The following FAM167A variants were observed in gnomAD, a reference collection of about 807,000 sequenced individuals.
FAM167A encodes the protein protein FAM167A.
FAM167A carries 23 observed loss-of-function variants against 14.9 expected under a neutral mutation model. The ratio of observed to expected loss-of-function variants is 1.55; its 90% CI spans 1.11 to 2.19. FAM167A has a LOEUF of 2.19. Among genes scored for constraint, FAM167A ranks in the 30% most tolerant of loss-of-function variants. FAM167A has a pLI of 0.00. For missense variants in FAM167A, 401 were observed against 281.5 expected (o/e 1.42, Z -3.04); for synonymous variants, 174 against 117.7 (o/e 1.48, Z -3.10).
chr8:11,433,686 T>C (rs80028918), intron 2 of FAM167A, among the ~76,000 whole-genome samples: 1 of 152,318 alleles, frequency 6.6e-6, no homozygotes, highest in African/African-American at 2.4e-5. Flanking sequence ...GCATTTTGTC[T>C]GGTCCCTTAA....
chr8:11,461,155 G>T (rs1219238405), intron 1 of FAM167A, among the ~76,000 whole-genome samples: 1 of 152,250 alleles, frequency 6.6e-6, no homozygotes. Context: ...AAAGCCCAGG[G>T]CCACTGCAGG....
chr8:11,423,071 T>C lies in FAM167A; in HGVS notation c.*1302A>G, dbSNP rs1422198447. 1 of 152,650 alleles carries C rather than the reference T, an allele frequency of 6.6e-6. No homozygotes were observed. The highest frequency in any genetic ancestry group is 1.5e-5 in the Non-Finnish European group (1 of 68,046). 9.5% of individuals were successfully genotyped at this position (152,650 alleles called of 1,614,324 possible). On this transcript the variant is annotated 3_prime_UTR_variant, in exon 3 of 3. Transcript: ENST00000284486. The stretch of plus-strand genomic sequence containing the variant: ...CAATATTCTATAGCCTAAACAGCTG[T>C]GCAACCTGAGGGAAGTCCTTCTCCT...
rs1804815908 is a variant in FAM167A, at chr8:11,422,392, GT to G, written c.*1980del. The G allele has an allele frequency of 6.6e-6, 1 of 150,432 alleles. No homozygotes were observed. The highest frequency in any genetic ancestry group is 1.5e-5 in the Non-Finnish European group (1 of 68,268). 9.3% of individuals were successfully genotyped at this position (150,432 alleles called of 1,614,324 possible). On this transcript the variant is annotated 3_prime_UTR_variant, in exon 3 of 3. Transcript: ENST00000284486. Reference sequence around the variant, plus strand: ...TGTGGGGGTGTGTGTGTGTGTGTGTGTGTGTGTGTGTGTAGGTCAGCCCGAG... The same window carrying G: ...TGTGGGGGTGTGTGTGTGTGTGTGTGGTGTGTGTGTGTAGGTCAGCCCGAG...
chr8:11,425,634 G>C (rs147262225), intron 2 of FAM167A, among the ~76,000 whole-genome samples: 1 of 151,906 alleles, frequency 6.6e-6, no homozygotes, highest in Middle Eastern at 3.4e-3. Flanking sequence ...ATTCCCAGCC[G>C]TGATGGGAAT....
At chr8:11,431,084 A>G (rs575653215) in intron 2 of FAM167A, among the ~76,000 whole-genome samples, 1 of 152,240 alleles carries the variant, frequency 6.6e-6, no homozygotes, top group Non-Finnish European at 1.5e-5. Context: ...ATGAAGGCAA[A>G]AGCTAGAACC....
chr8:11,433,832 G>C (rs10481455), intron 2 of FAM167A: 132,168 of 152,240 alleles, frequency 0.87, 57,664 homozygotes, highest in African/African-American at 0.92. Context: ...TCCACTGTCC[G>C]ACGATTTGGG....
At chr8:11,437,942 G>A in intron 2 of FAM167A, 1 of 282,034 alleles carries the variant, frequency 3.5e-6, no homozygotes, top group South Asian at 3.1e-5. Flanking sequence ...ACGGCCCTCA[G>A]CTCACCAGAT....
chr8:11,441,303 G>C (rs75920312), intron 2 of FAM167A, among the ~76,000 whole-genome samples: 13 of 152,296 alleles, frequency 8.5e-5, no homozygotes, highest in African/African-American at 2.9e-4. Context: ...CCTGGCCCTG[G>C]TCTCGCCCTC....
chr8:11,431,829 G>A (rs1309322127), intron 2 of FAM167A, among the ~76,000 whole-genome samples: 1 of 143,034 alleles, frequency 7.0e-6, no homozygotes, highest in Non-Finnish European at 1.5e-5. Context: ...CTGGGAGGTA[G>A]AAGGGCCTCT....
At chr8:11,468,800 G>A (rs1021370416), upstream of FAM167A, among the ~76,000 whole-genome samples, 2 of 152,200 alleles carry the variant, frequency 1.3e-5, no homozygotes, top group African/African-American at 2.4e-5. Context: ...TCTCATGGGG[G>A]AATTGTGGCA....
At chr8:11,475,749 C>T (rs1797856775) in intron 1 of FAM167A, among the ~76,000 whole-genome samples, 1 of 152,130 alleles carries the variant, frequency 6.6e-6, no homozygotes, top group African/African-American at 2.4e-5. Context: ...TAATCTTTCC[C>T]TAAATGTATT....
At chr8:11,445,585 C>T (rs1420645101) in intron 1 of FAM167A, 1 of 985,580 alleles carries the variant, frequency 1.0e-6, no homozygotes, top group African/African-American at 1.7e-5. Context: ...TTGGTAAAGA[C>T]TTCAGCTATG....
At chr8:11,454,255 C>T (rs1336909984) in intron 1 of FAM167A, among the ~76,000 whole-genome samples, 4 of 152,200 alleles carry the variant, frequency 2.6e-5, no homozygotes, top group Non-Finnish European at 4.4e-5. Context: ...GTGTGCAAAG[C>T]GCTCTGTTTC....
Position 11,427,151 on chromosome 8 carries a change from C to T in FAM167A, c.382-2515G>A, listed in dbSNP as rs553050972. Among the ~76,000 whole-genome samples the T allele has an allele frequency of 5.3e-5, 8 of 152,262 alleles. No homozygotes were observed. In the South Asian group the frequency reaches 1.2e-3, roughly 24 times the overall value. On this transcript the variant is annotated intron_variant, in intron 2 of 2. Transcript: ENST00000284486. ...ATGCAGTTCCCAGCTTGACTTTTCCCTTTGGCTTAGTGATTGTGGAGTCCT... is the reference window on the plus strand; with the variant it reads ...ATGCAGTTCCCAGCTTGACTTTTCCTTTTGGCTTAGTGATTGTGGAGTCCT...
intron 2 of FAM167A, among the ~76,000 whole-genome samples, chr8:11,427,157 C>T (rs906681586): frequency 6.6e-6 from 1 of 152,164 alleles, no homozygotes; most frequent in Non-Finnish European, 1.5e-5. Context: ...TTCCCTTTGG[C>T]TTAGTGATTG....
In FAM167A at chr8:11,444,113, T is replaced by TGGCTGGCAC. The variant is rs1393857228; in HGVS notation, c.290_298dup (p.Ser99_Gln100insArgAlaSer). Reference sequence around the variant, plus strand: ...GCCAGTGGACAGGGGTCTGGCACCTTGGCTGGCACTCCTGGCAGAAGGGGG... The same window carrying TGGCTGGCAC: ...GCCAGTGGACAGGGGTCTGGCACCTTGGCTGGCACGGCTGGCACTCCTGGCAGAAGGGGG... On this transcript the variant is annotated inframe_insertion, in exon 2 of 3. Coordinates refer to ENST00000284486, the MANE Select transcript of FAM167A (RefSeq NM_053279.3). 1 of 1,613,256 alleles carries TGGCTGGCAC rather than the reference T, an allele frequency of 6.2e-7. No individual in the cohort carries two copies. Among genetic ancestry groups the TGGCTGGCAC allele is most frequent in the Non-Finnish European group, 8.5e-7 (1 of 1,179,996 alleles).
intron 2 of FAM167A, among the ~76,000 whole-genome samples, chr8:11,430,712 A>G (rs1434147449): frequency 6.6e-6 from 1 of 152,176 alleles, no homozygotes; most frequent in Non-Finnish European, 1.5e-5. Flanking sequence ...GGAAGAGGAC[A>G]GAGATTTCCT....
rs552292728 is a variant in FAM167A, at chr8:11,423,399, T to C, written c.*974A>G. On this transcript the variant is annotated 3_prime_UTR_variant, in exon 3 of 3. Transcript: ENST00000284486. The stretch of plus-strand genomic sequence containing the variant: ...GAACAACACATCAGTAACAGTCTTA[T>C]TAAAACTAGTTGTTTAGGTCAGGCA... 6.6e-6 allele frequency: 1 copy of C among 152,646 alleles called. No homozygotes were observed. The highest frequency in any genetic ancestry group is 1.5e-5 in the Non-Finnish European group (1 of 68,044). The allele number at this position is 152,646 out of a possible 1,614,324, so 9.5% of individuals were successfully genotyped here. A position where few individuals can be genotyped will look rare whatever the true frequency, so the allele number is the denominator to read the frequency against.
At chr8:11,436,694 A>G (rs951174433) in intron 2 of FAM167A, among the ~76,000 whole-genome samples, 6 of 152,200 alleles carry the variant, frequency 3.9e-5, no homozygotes, top group Non-Finnish European at 8.8e-5. Flanking sequence ...ATGGAAATGG[A>G]GTGCCGAAGT....
Sources: allele counts gnomAD v4.1 joint callset (sites outside exome capture counted in the v4.1 genomes callset), GRCh38; gene constraint gnomAD v4.1.1; transcripts MANE v1.5; gene names NCBI Gene and HGNC (gene_info 2026-07-23, HGNC 2026-07-21).